PPIP5K1: variants seen among roughly 807,000 people sequenced by gnomAD.
PPIP5K1 encodes the protein diphosphoinositol pentakisphosphate kinase 1.
Under a neutral mutation model 27.7 loss-of-function variants are expected in PPIP5K1, and 6 were observed. That is an observed-to-expected ratio of 0.22 (90% confidence interval 0.12 to 0.43). The LOEUF (loss-of-function observed/expected upper bound fraction) is 0.43. Ranked by LOEUF, PPIP5K1 falls within the 20% of genes least tolerant of loss-of-function variation. The pLI, the probability that PPIP5K1 is intolerant of heterozygous loss-of-function variation, is 1.00. For missense variants in PPIP5K1, 394 were observed against 635.4 expected (o/e 0.62, Z 4.08); for synonymous variants, 145 against 242.6 (o/e 0.60, Z 3.74).
At chr15:43,542,147 A>C (rs1430039807) in intron 30 of PPIP5K1, among the ~76,000 whole-genome samples, 1 of 152,246 alleles carries the variant, frequency 6.6e-6, no homozygotes, top group African/African-American at 2.4e-5. Flanking sequence ...TTCCTTCTGC[A>C]AATGGGACTA....
chr15:43,579,666 T>TTTA (rs2084813155), intron 10 of PPIP5K1, among the ~76,000 whole-genome samples: 1 of 48,868 alleles, frequency 2.0e-5, no homozygotes, highest in African/African-American at 2.5e-4. Context: ...TTTTTTTTTT[T>TTTA]TTTTTTTTTT....
chr15:43,551,180 A>G (rs1273148459), intron 30 of PPIP5K1, among the ~76,000 whole-genome samples: 1 of 152,072 alleles, frequency 6.6e-6, no homozygotes, highest in African/African-American at 2.4e-5. Flanking sequence ...TCACCAGTGA[A>G]GCCATCTGGT....
rs1567072378 is a variant in PPIP5K1 at position 43,558,899 on chromosome 15, T to C, written c.3452A>G (p.Tyr1151Cys). Residue 1151 changes from tyrosine to cysteine, a missense_variant, in exon 30 of 32, where the codon TAC (tyrosine) becomes TGC (cysteine). Around this residue, in one of 4 missense-constraint regions of PPIP5K1, gnomAD observed 379 missense variants for 423.9 expected, o/e 0.89. Transcript: ENST00000420765. ...GGCATTATGCAGTGTTTCCAGAGGG[T>C]AGATGGTAGGCACCATGGAACACCC... ...FEGCSMVPTI[Y>C]PLETLHNALS... 15 of 1,613,680 alleles carry C rather than the reference T, an allele frequency of 9.3e-6. No individual in the cohort carries two copies. Among genetic ancestry groups the C allele is most frequent in the Non-Finnish European group, 1.0e-5 (12 of 1,179,964 alleles).
At chr15:43,535,672 CTT>C (rs1212357114) in intron 31 of PPIP5K1, among the ~76,000 whole-genome samples, 196 bp from the exon 32 acceptor site, 2 of 152,176 alleles carry the variant, frequency 1.3e-5, no homozygotes, top group Non-Finnish European at 2.9e-5. Context: ...CTAATGTATA[CTT>C]TGAGAGTAAC....
chr15:43,551,639 G>T (rs2082214950), intron 30 of PPIP5K1, among the ~76,000 whole-genome samples: 1 of 116,868 alleles, frequency 8.6e-6, no homozygotes, highest in Non-Finnish European at 1.6e-5. Context: ...GTCTCGCTCT[G>T]TCGCCCAGGC....
At position 43,581,215 on chromosome 15, in the gene PPIP5K1, G is replaced by A; in HGVS notation, c.939+12C>T. The A allele has an allele frequency of 2.5e-6, 4 of 1,581,552 alleles. No individual in the cohort carries two copies. The highest frequency in any genetic ancestry group is 3.4e-6 in the Non-Finnish European group (4 of 1,170,422). Reference sequence around the variant, plus strand: ...CTCCTTCATTTCACAACCTCCCTGGGCCCTCCTCTACCTTGAAAGCTACGC... The same window carrying A: ...CTCCTTCATTTCACAACCTCCCTGGACCCTCCTCTACCTTGAAAGCTACGC... On this transcript the variant is annotated intron_variant, in intron 9 of 31. Transcript: ENST00000420765.
At chr15:43,557,906 A>G (rs1246019407) in intron 30 of PPIP5K1, among the ~76,000 whole-genome samples, 1 of 149,812 alleles carries the variant, frequency 6.7e-6, no homozygotes, top group African/African-American at 2.5e-5. Context: ...CCTGGACTCA[A>G]CAATCCTCCT....
At chr15:43,554,218 G>A (rs1002045190) in intron 30 of PPIP5K1, among the ~76,000 whole-genome samples, 5 of 152,182 alleles carry the variant, frequency 3.3e-5, no homozygotes, top group Admixed American at 2.0e-4. Context: ...GTCAATGTTT[G>A]TGTCATGTAT....
At chr15:43,541,273 T>C (rs187822654) in intron 30 of PPIP5K1, among the ~76,000 whole-genome samples, 3 of 152,060 alleles carry the variant, frequency 2.0e-5, no homozygotes, top group Non-Finnish European at 4.4e-5. Flanking sequence ...TCACCACTCC[T>C]GGCTAATTTT....
In PPIP5K1 at chr15:43,535,065, G is replaced by C; in HGVS notation, c.4082C>G (p.Pro1361Arg). The C allele has an allele frequency of 6.2e-7, 1 of 1,613,972 alleles. No homozygotes were observed. Among genetic ancestry groups the C allele is most frequent in the Non-Finnish European group, 8.5e-7 (1 of 1,179,976 alleles). The stretch of plus-strand genomic sequence containing the variant: ...CTTCTGGCATGGCTGGCTGATGTGA[G>C]GGACCTCCTGGCATGTGTGGTTACC... ...DNGNHTCQEVPHISQPCQKSS... is the reference protein window; with the variant it reads ...DNGNHTCQEVRHISQPCQKSS... The change falls in exon 32 of 32, where the codon CCT becomes CGT. Residue 1361 changes from proline (P) to arginine (R), a missense_variant. Pro to Arg is a moderately radical substitution (Grantham distance 103). Coordinates refer to ENST00000420765, the MANE Select transcript of PPIP5K1 (RefSeq NM_001394395.1).
In PPIP5K1 at chr15:43,534,955, C is replaced by G. The variant is rs771351970; in HGVS notation, c.4192G>C (p.Gly1398Arg). 1 of 1,614,202 alleles carries G rather than the reference C, an allele frequency of 6.2e-7. No homozygotes were observed. The highest frequency in any genetic ancestry group is 1.7e-5 in the Admixed American group (1 of 60,024). The part of the protein sequence containing the change: ...NSEEVSQPCQ[G>R]VSVEVGKLVH... The stretch of plus-strand genomic sequence containing the variant: ...AGCTTGCCAACCTCCACAGAGACCC[C>G]CTGGCATGGCTGGCTGACCTCCTCG... Residue 1398 changes from glycine to arginine, a missense_variant, in exon 32 of 32, where the codon GGG (glycine) becomes CGG (arginine). By Grantham distance (125) the Gly-to-Arg change is moderately radical. Around this residue, in one of 4 missense-constraint regions of PPIP5K1, gnomAD observed 379 missense variants for 423.9 expected, o/e 0.89. Transcript: ENST00000420765.
intron 30 of PPIP5K1, among the ~76,000 whole-genome samples, chr15:43,550,693 G>C (rs533148537): frequency 6.6e-6 from 1 of 152,156 alleles, no homozygotes; most frequent in East Asian, 1.9e-4. Flanking sequence ...CCAAATCTTA[G>C]AGGGAAAGCC....
chr15:43,548,679 A>G (rs1471505994), intron 30 of PPIP5K1: 1 of 151,064 alleles, frequency 6.6e-6, no homozygotes, highest in East Asian at 2.0e-4. Flanking sequence ...CAGCCTCCCA[A>G]GTAGCTAGGA....
intron 30 of PPIP5K1, among the ~76,000 whole-genome samples, chr15:43,552,193 A>T (rs930454633): frequency 1.2e-4 from 18 of 151,862 alleles, no homozygotes; most frequent in African/African-American, 4.4e-4. Flanking sequence ...GGGCTCAAGC[A>T]ATCCTCCCAC....
chr15:43,542,647 AGTGTGTGTGTGTGT>A lies in PPIP5K1; in HGVS notation c.3557-3078_3557-3065del, dbSNP rs56361192. ...TTGTGGATTTTTATTATATATATTC[AGTGTGTGTGTGTGT>A]GTGTGTGTGTGTGTGTGTGTGTGTG... On this transcript the variant is annotated intron_variant, in intron 30 of 31. Coordinates refer to ENST00000420765, the MANE Select transcript of PPIP5K1 (RefSeq NM_001394395.1). Among the ~76,000 whole-genome samples, 541 of 121,352 alleles carry A rather than the reference AGTGTGTGTGTGTGT, an allele frequency of 4.5e-3. 3 individuals carry two copies. Among genetic ancestry groups the A allele is most frequent in the African/African-American group, 0.015 (478 of 31,082 alleles). 79.6% of individuals were successfully genotyped at this position (121,352 alleles called of 152,430 possible).
intron 31 of PPIP5K1, among the ~76,000 whole-genome samples, chr15:43,538,057 A>G (rs952939898): frequency 6.6e-6 from 1 of 152,158 alleles, no homozygotes; most frequent in African/African-American, 2.4e-5. Context: ...CAATGGCCCT[A>G]CAAAGAGTGT....
rs1383594533 is a variant in PPIP5K1, at chr15:43,546,104, T to C, written c.3557-6521A>G. Among the ~76,000 whole-genome samples the C allele has an allele frequency of 2.6e-5, 4 of 152,234 alleles. 1 individual carries two copies. Among genetic ancestry groups the C allele is most frequent in the Non-Finnish European group, 5.9e-5 (4 of 68,044 alleles). ...CTTTCCGTCTCTATGGATTTACTTATTCTGGATATTTCATATAAATAAAAT... is the reference window on the plus strand; with the variant it reads ...CTTTCCGTCTCTATGGATTTACTTACTCTGGATATTTCATATAAATAAAAT... On this transcript the variant is annotated intron_variant, in intron 30 of 31. Transcript: ENST00000420765.
At chr15:43,567,394 AGGC>A (rs1186868374) in intron 26 of PPIP5K1, among the ~76,000 whole-genome samples, 373 of 3,046 alleles carry the variant, frequency 0.12, no homozygotes, top group Middle Eastern at 0.3. Flanking sequence ...CTGGGATTAT[AGGC>A]ATGAGCCACT....
intron 30 of PPIP5K1, among the ~76,000 whole-genome samples, chr15:43,541,982 T>C (rs963632559): frequency 2.0e-5 from 3 of 152,230 alleles, no homozygotes; most frequent in Non-Finnish European, 2.9e-5. Context: ...TATTGCCTCA[T>C]TGTCCCATTA....
Sources: gnomAD v4.1 joint callset for allele counts (sites outside exome capture counted in the v4.1 genomes callset) on GRCh38, gnomAD v4.1.1 for gene constraint, gnomAD v4.1.1 regional missense constraint, MANE v1.5 for transcripts, NCBI Gene and HGNC (gene_info 2026-07-23, HGNC 2026-07-21) for gene names.